Variants in DUSP29 observed in about 807,000 individuals in gnomAD.
DUSP29 encodes dual specificity phosphatase 29, also known as atypical dual-specific protein phosphatase.
In DUSP29, 12 loss-of-function variants were observed where a neutral mutation model predicts 13.5. That is an observed-to-expected ratio of 0.89 (90% CI 0.57 to 1.44). The LOEUF is 1.44. Among genes scored for constraint, DUSP29 ranks in the 40% most tolerant of loss-of-function variants. DUSP29 has a pLI of 0.00. For synonymous variants in DUSP29, 134 were observed against 128.7 expected (o/e 1.04, Z -0.28); for missense variants, 308 against 301.1 (o/e 1.02, Z -0.17).
chr10:75,056,420 C>G (rs767174726), intron 2 of DUSP29, among the ~76,000 whole-genome samples: 36 of 151,540 alleles, frequency 2.4e-4, no homozygotes, highest in Admixed American at 9.9e-4. Flanking sequence ...TCTTGCTACT[C>G]AGGAGGCTGA....
chr10:75,055,545 A>G (rs181120240), intron 2 of DUSP29, among the ~76,000 whole-genome samples: 1 of 152,338 alleles, frequency 6.6e-6, no homozygotes, highest in East Asian at 1.9e-4. Flanking sequence ...TAAATCTATA[A>G]AAACAGAAAG....
At chr10:75,070,070 A>G (rs569660685) in intron 1 of DUSP29, among the ~76,000 whole-genome samples, 22 of 105,358 alleles carry the variant, frequency 2.1e-4, no homozygotes, top group South Asian at 3.7e-4. Context: ...AAGAAAGAAG[A>G]AAGGAAGGAA....
chr10:75,046,128 GAAAA>G (rs140452545), intron 2 of DUSP29, among the ~76,000 whole-genome samples: 4,609 of 151,878 alleles, frequency 0.03, 178 homozygotes, highest in East Asian at 0.15. Context: ...AAAAAGAAAA[GAAAA>G]AAGAAAGAAA....
At chr10:75,062,174 G>T (rs1306260225) in intron 1 of DUSP29, among the ~76,000 whole-genome samples, 1 of 152,220 alleles carries the variant, frequency 6.6e-6, no homozygotes, top group Non-Finnish European at 1.5e-5. Context: ...AGCCCTCCTT[G>T]CTTCAGGCCC....
At chr10:75,059,372 CA>C (rs1847038742) in intron 1 of DUSP29, among the ~76,000 whole-genome samples, 1 of 152,152 alleles carries the variant, frequency 6.6e-6, no homozygotes, top group East Asian at 1.9e-4. Flanking sequence ...GTAAATGATG[CA>C]CCTATGGTCA....
At chr10:75,065,309 T>C (rs1006393150) in intron 1 of DUSP29, among the ~76,000 whole-genome samples, 1 of 152,144 alleles carries the variant, frequency 6.6e-6, no homozygotes, top group African/African-American at 2.4e-5. Context: ...GCTGCAGAGA[T>C]TGGCTAGGGA....
chr10:75,052,936 G>A (rs1415578937), intron 2 of DUSP29, among the ~76,000 whole-genome samples: 2 of 152,160 alleles, frequency 1.3e-5, no homozygotes, highest in African/African-American at 2.4e-5. Flanking sequence ...GTGAAATGTG[G>A]GCAAAAATGG....
intron 2 of DUSP29, among the ~76,000 whole-genome samples, chr10:75,053,669 A>G (rs1589862803): frequency 6.7e-6 from 1 of 149,620 alleles, no homozygotes; most frequent in African/African-American, 2.4e-5. Context: ...ACTCTGAAAC[A>G]GCTTCTTTAC....
At chr10:75,051,379 G>A (rs535714949) in intron 2 of DUSP29, among the ~76,000 whole-genome samples, 65 of 152,356 alleles carry the variant, frequency 4.3e-4, no homozygotes, top group African/African-American at 1.4e-3. Context: ...ATCCACATAG[G>A]CGAAGAAGCT....
chr10:75,054,731 AT>A lies in DUSP29; in HGVS notation c.200+3583del, dbSNP rs561210171. 1.1e-3 allele frequency among the ~76,000 whole-genome samples: 161 copies of A among 152,254 alleles called. 1 individual carries two copies. The South Asian group carries it at 0.016, about 15-fold the overall frequency. On this transcript the variant is annotated intron_variant, in intron 2 of 3. Transcript: ENST00000338487. Reference sequence around the variant, plus strand: ...CTTCCTATGTACTAGGCAGTGCACTATTTTACACACATTACCCAACTTAATC... The same window carrying A: ...CTTCCTATGTACTAGGCAGTGCACTATTTACACACATTACCCAACTTAATC...
intron 3 of DUSP29, 88 bp downstream of exon 3, chr10:75,043,709 G>GGGGAA: frequency 2.5e-6 from 3 of 1,223,538 alleles, no homozygotes; most frequent in South Asian, 2.9e-5. Context: ...TTAGTGGGGC[G>GGGGAA]GGGAAGGGGC....
intron 2 of DUSP29, among the ~76,000 whole-genome samples, chr10:75,045,840 T>C (rs1846695450): frequency 6.6e-6 from 1 of 152,164 alleles, no homozygotes; most frequent in South Asian, 2.1e-4. Context: ...CCAGACAAGG[T>C]GGCTCACACC....
chr10:75,042,950 T>C (rs1589856711), intron 3 of DUSP29, among the ~76,000 whole-genome samples: 1 of 152,234 alleles, frequency 6.6e-6, no homozygotes, highest in East Asian at 1.9e-4. Flanking sequence ...CCTGCAGCAA[T>C]AACTGTATAT....
At chr10:75,070,951 A>C (rs1847315392) in intron 1 of DUSP29, among the ~76,000 whole-genome samples, 2 of 152,154 alleles carry the variant, frequency 1.3e-5, no homozygotes, top group Non-Finnish European at 2.9e-5. Context: ...CAAACAGCTA[A>C]CTCCTGGCCC....
Position 75,037,576 on chromosome 10 carries a change from G to A in DUSP29, c.*260C>T, listed in dbSNP as rs769428696. On this transcript the variant is annotated 3_prime_UTR_variant, in exon 4 of 4. Transcript: ENST00000338487. ...AAAACAAAACCAAAGCAGGAGACTTGGTGCAGCGTGGCATGCTCCTCTGTG... is the reference window on the plus strand; with the variant it reads ...AAAACAAAACCAAAGCAGGAGACTTAGTGCAGCGTGGCATGCTCCTCTGTG... Among the ~76,000 whole-genome samples, 5 of 152,154 alleles carry A rather than the reference G, an allele frequency of 3.3e-5. No individual in the cohort carries two copies. Among genetic ancestry groups the A allele is most frequent in the Non-Finnish European group, 7.4e-5 (5 of 68,022 alleles).
intron 1 of DUSP29, among the ~76,000 whole-genome samples, chr10:75,060,901 A>C (rs1240420251): frequency 4.6e-5 from 7 of 152,226 alleles, no homozygotes; most frequent in Non-Finnish European, 7.3e-5. Context: ...AACATACTGA[A>C]ATATTTGCTT....
intron 2 of DUSP29, among the ~76,000 whole-genome samples, chr10:75,047,675 G>T (rs1846734120): frequency 6.6e-6 from 1 of 152,158 alleles, no homozygotes; most frequent in South Asian, 2.1e-4. Flanking sequence ...AGGAGCTTTA[G>T]TTTCTGGTTA....
At chr10:75,048,636 G>A (rs1007006965) in intron 2 of DUSP29, among the ~76,000 whole-genome samples, 3 of 152,110 alleles carry the variant, frequency 2.0e-5, no homozygotes, top group African/African-American at 7.2e-5. Flanking sequence ...CTGACTTCAG[G>A]TAATCCACCT....
intron 1 of DUSP29, among the ~76,000 whole-genome samples, chr10:75,059,309 C>T (rs985424887): frequency 1.3e-5 from 2 of 152,000 alleles, no homozygotes; most frequent in African/African-American, 2.4e-5. Context: ...TTCCATTGTC[C>T]CCAAGGAGAG....
Sources: gnomAD v4.1 joint callset for allele counts (sites outside exome capture counted in the v4.1 genomes callset) on GRCh38, gnomAD v4.1.1 for gene constraint, MANE v1.5 for transcripts, NCBI Gene and HGNC (gene_info 2026-07-23, HGNC 2026-07-21) for gene names.